CTNNA3: variants seen among roughly 807,000 people sequenced by gnomAD.
CTNNA3 encodes the protein catenin alpha 3, also known as catenin alpha-3.
A neutral mutation model predicts 95.7 loss-of-function variants in CTNNA3; 76 were observed. That is an observed-to-expected ratio of 0.79 (90% confidence interval 0.66 to 0.96). CTNNA3 has a LOEUF of 0.96. CTNNA3 is among the 40% of genes least tolerant of loss of function. CTNNA3 has a pLI of 0.00. For missense variants in CTNNA3, 1,191 were observed against 1,089.8 expected, an observed-to-expected ratio of 1.09 and a Z score of -1.31; for synonymous variants, 431 against 374.4, an observed-to-expected ratio of 1.15 and a Z score of -1.74.
chr10:67,270,742 G>C (rs1239869220), intron 5 of CTNNA3, among the ~76,000 whole-genome samples: 3 of 152,136 alleles, frequency 2.0e-5, no homozygotes, highest in African/African-American at 4.8e-5. Flanking sequence ...CAATACAAGA[G>C]AGTGGCTAAT....
chr10:66,361,796 C>G (rs2092678108), intron 12 of CTNNA3, among the ~76,000 whole-genome samples: 2 of 152,102 alleles, frequency 1.3e-5, no homozygotes, highest in South Asian at 4.1e-4. Context: ...CCTCAGCCCC[C>G]CAAAGTGCTG....
chr10:66,702,997 T>A (rs1450230310), intron 9 of CTNNA3, among the ~76,000 whole-genome samples: 1 of 152,148 alleles, frequency 6.6e-6, no homozygotes, highest in Non-Finnish European at 1.5e-5. Context: ...CAATGAAGAA[T>A]TGGAATCTCA....
At chr10:67,595,321 C>A (rs1842906492) in intron 3 of CTNNA3, among the ~76,000 whole-genome samples, 1 of 152,148 alleles carries the variant, frequency 6.6e-6, no homozygotes. Context: ...CCCAGAGATT[C>A]TGGTACATTG....
chr10:66,732,849 G>T (rs928035340), intron 9 of CTNNA3, among the ~76,000 whole-genome samples: 1 of 151,986 alleles, frequency 6.6e-6, no homozygotes, highest in Non-Finnish European at 1.5e-5. Flanking sequence ...AGGCTGGAGT[G>T]CAGCGACATG....
chr10:67,430,525 A>G (rs1350897805), intron 5 of CTNNA3, among the ~76,000 whole-genome samples: 1 of 151,986 alleles, frequency 6.6e-6, no homozygotes, highest in Admixed American at 6.6e-5. Flanking sequence ...TATATTTAAT[A>G]GTACCCAGAA....
At chr10:67,744,429 CT>C (rs1841361701) in intron 1 of CTNNA3, among the ~76,000 whole-genome samples, 1 of 151,132 alleles carries the variant, frequency 6.6e-6, no homozygotes, top group African/African-American at 2.4e-5. Context: ...ATAAATGGTG[CT>C]GGGAAAACTG....
At chr10:66,513,028 A>G (rs995104872) in intron 11 of CTNNA3, among the ~76,000 whole-genome samples, 1 of 152,100 alleles carries the variant, frequency 6.6e-6, no homozygotes, top group Non-Finnish European at 1.5e-5. Context: ...TGAGCTCCCT[A>G]TATCTAGATG....
chr10:67,353,931 C>T lies in CTNNA3; in HGVS notation c.580-134061G>A, dbSNP rs537053781. ...GCTGCAATGTCTCTAATGAAGAGAC[C>T]GAACTTCAGGTTTGAAAGGTAAATT... On this transcript the variant is annotated intron_variant, in intron 5 of 17. Coordinates refer to ENST00000433211, the MANE Select transcript of CTNNA3 (RefSeq NM_013266.4). Among the ~76,000 whole-genome samples the T allele has an allele frequency of 1.1e-3, 161 of 152,036 alleles. 1 individual carries two copies. The highest frequency in any genetic ancestry group is 3.7e-3 in the African/African-American group (155 of 41,512).
At chr10:66,409,541 A>G (rs2132590325) in intron 11 of CTNNA3, among the ~76,000 whole-genome samples, 1 of 152,302 alleles carries the variant, frequency 6.6e-6, no homozygotes, top group Middle Eastern at 3.4e-3. Context: ...GTGCAGTATG[A>G]TGAATATGAC....
At chr10:66,084,178 G>GAAA (rs2080886953) in intron 14 of CTNNA3, among the ~76,000 whole-genome samples, 1 of 147,136 alleles carries the variant, frequency 6.8e-6, no homozygotes, top group African/African-American at 2.5e-5. Flanking sequence ...AAAAGAAAAG[G>GAAA]AAAGAAAAAA....
intron 7 of CTNNA3, among the ~76,000 whole-genome samples, chr10:66,856,815 G>A (rs1843701434): frequency 6.6e-6 from 1 of 152,042 alleles, no homozygotes; most frequent in Non-Finnish European, 1.5e-5. Flanking sequence ...ACTTTTGTCA[G>A]ATGCAAAGCC....
intron 7 of CTNNA3, among the ~76,000 whole-genome samples, chr10:66,882,534 G>C (rs1007414857): frequency 4.6e-5 from 7 of 152,138 alleles, no homozygotes; most frequent in Admixed American, 1.3e-4. Flanking sequence ...GGTTCTTACA[G>C]AGCATGAAAG....
At chr10:67,523,590 C>T (rs535277842) in intron 4 of CTNNA3, among the ~76,000 whole-genome samples, 16 of 152,162 alleles carry the variant, frequency 1.1e-4, no homozygotes, top group African/African-American at 3.4e-4. Flanking sequence ...ACTCGGAAAA[C>T]TCACTGATAC....
chr10:66,235,097 G>A (rs538172749), intron 13 of CTNNA3, among the ~76,000 whole-genome samples: 61 of 152,288 alleles, frequency 4.0e-4, no homozygotes, highest in African/African-American at 1.3e-3. Context: ...AGCCCTAGCT[G>A]ACATCTTAAC....
intron 13 of CTNNA3, among the ~76,000 whole-genome samples, chr10:66,254,188 A>G (rs1357474939): frequency 1.3e-5 from 2 of 152,174 alleles, no homozygotes; most frequent in Non-Finnish European, 2.9e-5. Context: ...AAAATTACCT[A>G]GTGACCATCA....
intron 5 of CTNNA3, among the ~76,000 whole-genome samples, chr10:67,405,791 A>G (rs1326719719): frequency 6.6e-6 from 1 of 152,234 alleles, no homozygotes; most frequent in Non-Finnish European, 1.5e-5. Context: ...AAAATTGGTC[A>G]CATAATCAGA....
intron 7 of CTNNA3, among the ~76,000 whole-genome samples, chr10:67,028,282 C>A (rs1853512347): frequency 6.6e-6 from 1 of 152,028 alleles, no homozygotes. Context: ...AATGTAATGG[C>A]ACAGGCAGAT....
intron 1 of CTNNA3, among the ~76,000 whole-genome samples, chr10:67,688,297 T>C (rs1459996411): frequency 2.0e-5 from 3 of 152,078 alleles, no homozygotes; most frequent in Non-Finnish European, 4.4e-5. Context: ...TGTGGTCCTT[T>C]GGAGATTTCT....
intron 10 of CTNNA3, among the ~76,000 whole-genome samples, chr10:66,562,469 C>T (rs117847315): frequency 0.023 from 3,451 of 152,094 alleles, 85 homozygotes; most frequent in East Asian, 0.055. Flanking sequence ...TTAAGTAATG[C>T]TAAGTCCTCC....
Sources: allele counts gnomAD v4.1 joint callset (sites outside exome capture counted in the v4.1 genomes callset), GRCh38; gene constraint gnomAD v4.1.1; transcripts MANE v1.5; gene names NCBI Gene and HGNC (gene_info 2026-07-23, HGNC 2026-07-21).